The following SUCLA2 variants were observed in gnomAD, a reference collection of about 807,000 sequenced individuals.
SUCLA2 encodes succinate--CoA ligase [ADP-forming] subunit beta, mitochondrial.
In SUCLA2, 30 loss-of-function variants were observed where a neutral mutation model predicts 54.8. The observed-to-expected ratio is 0.55, with a 90% CI of 0.41 to 0.74. The LOEUF (loss-of-function observed/expected upper bound fraction) is 0.74. SUCLA2 is among the 30% of genes least tolerant of loss of function. The pLI is 0.00. For synonymous variants in SUCLA2, 172 were observed against 188.9 expected (o/e 0.91, Z 0.74); for missense variants, 476 against 562.9 (o/e 0.85, Z 1.56).
chr13:47,981,059 A>G (rs1426662024), intron 4 of SUCLA2, among the ~76,000 whole-genome samples: 2 of 152,230 alleles, frequency 1.3e-5, no homozygotes, highest in Non-Finnish European at 2.9e-5. Flanking sequence ...TAAACATGAT[A>G]CCAAAGGCAC....
chr13:47,990,249 G>A (rs145682578), intron 2 of SUCLA2, among the ~76,000 whole-genome samples: 300 of 152,294 alleles, frequency 2.0e-3, no homozygotes, highest in Middle Eastern at 6.8e-3. Flanking sequence ...TTGGGAGGTT[G>A]AGGCACAAGA....
intron 4 of SUCLA2, among the ~76,000 whole-genome samples, chr13:47,987,445 T>C (rs1379689276): frequency 1.3e-5 from 2 of 152,108 alleles, no homozygotes; most frequent in African/African-American, 4.8e-5. Flanking sequence ...TATGTAAATT[T>C]TGGGTAATAT....
intron 2 of SUCLA2, among the ~76,000 whole-genome samples, chr13:47,992,726 T>C (rs1392828812): frequency 6.6e-6 from 1 of 152,196 alleles, no homozygotes; most frequent in African/African-American, 2.4e-5. Flanking sequence ...ATTTTAAGCA[T>C]TCCTTGTATA....
intron 4 of SUCLA2, among the ~76,000 whole-genome samples, chr13:47,985,015 T>C (rs1444975123): frequency 6.6e-6 from 1 of 152,136 alleles, no homozygotes; most frequent in Non-Finnish European, 1.5e-5. Flanking sequence ...ACTAGGCAAA[T>C]GTTAAGAAAT....
intron 4 of SUCLA2, among the ~76,000 whole-genome samples, chr13:47,975,801 C>G (rs1950007479): frequency 6.6e-6 from 1 of 152,188 alleles, no homozygotes; most frequent in African/African-American, 2.4e-5. Flanking sequence ...GGCCCCTAGA[C>G]AGTTTACACT....
chr13:47,965,804 T>G (rs1949913521), intron 6 of SUCLA2, among the ~76,000 whole-genome samples: 1 of 152,228 alleles, frequency 6.6e-6, no homozygotes, highest in Non-Finnish European at 1.5e-5. Flanking sequence ...ATCCCAGGAC[T>G]TTCGGAGGCC....
At chr13:47,944,771 A>C (rs1949715834) in intron 10 of SUCLA2, among the ~76,000 whole-genome samples, 1 of 152,198 alleles carries the variant, frequency 6.6e-6, no homozygotes, top group African/African-American at 2.4e-5. Flanking sequence ...GTACTTTCCC[A>C]AAGAAGGACA....
intron 6 of SUCLA2, among the ~76,000 whole-genome samples, chr13:47,960,444 G>A (rs569220314): frequency 2.6e-5 from 4 of 152,020 alleles, no homozygotes; most frequent in Admixed American, 1.3e-4. Context: ...TAAAAGACAA[G>A]TTCTGAACAG....
intron 6 of SUCLA2, among the ~76,000 whole-genome samples, chr13:47,964,874 A>C (rs1243577448): frequency 5.9e-5 from 9 of 151,824 alleles, no homozygotes; most frequent in Non-Finnish European, 1.3e-4. Flanking sequence ...AAATGTCATC[A>C]CTGGGTGAAG....
Position 47,954,054 on chromosome 13 carries a change from A to G in SUCLA2, c.1107+86T>C. On this transcript the variant is annotated intron_variant, in intron 8 of 10. Coordinates refer to ENST00000646932, the MANE Select transcript of SUCLA2 (RefSeq NM_003850.3). ...TAAAAGACATATATATGAATTCTAA[A>G]TTCTAAAACATAAAAATATACATTT... The G allele has an allele frequency of 2.5e-6, 3 of 1,190,396 alleles. No homozygotes were observed. The South Asian group carries it at 8.0e-5, about 32-fold the overall frequency. The allele number at this position is 1,190,396 out of a possible 1,614,324, so 73.7% of individuals were successfully genotyped here. A position where few individuals can be genotyped will look rare whatever the true frequency, so the allele number is the denominator to read the frequency against.
intron 2 of SUCLA2, chr13:47,991,502 C>T (rs957637451): frequency 1.3e-5 from 2 of 152,224 alleles, no homozygotes; most frequent in Non-Finnish European, 2.9e-5. Flanking sequence ...ATCCCCCTTA[C>T]CTACTACACT....
chr13:47,952,960 C>T (rs1403636537), intron 8 of SUCLA2, among the ~76,000 whole-genome samples: 3 of 152,148 alleles, frequency 2.0e-5, no homozygotes, highest in African/African-American at 7.2e-5. Flanking sequence ...ATCATCCATT[C>T]AGTGAAGGCC....
At chr13:47,996,741 T>C (rs914312336) in intron 2 of SUCLA2, 102 bp downstream of exon 2, 224 of 1,071,328 alleles carry the variant, frequency 2.1e-4, no homozygotes, top group Non-Finnish European at 2.9e-4. Context: ...AAATGTATTT[T>C]TTTTAAAAAA....
chr13:47,995,125 T>G (rs1321938883), intron 2 of SUCLA2, among the ~76,000 whole-genome samples: 1 of 152,190 alleles, frequency 6.6e-6, no homozygotes, highest in African/African-American at 2.4e-5. Context: ...GAGGCCTAAG[T>G]AGGAGGATCA....
Position 47,996,992 on chromosome 13 carries a change from T to C in SUCLA2, c.122A>G (p.His41Arg), listed in dbSNP as rs753558884. 71 of 1,613,976 alleles carry C rather than the reference T, an allele frequency of 4.4e-5. No homozygotes were observed. The highest frequency in any genetic ancestry group is 4.5e-5 in the Non-Finnish European group (53 of 1,180,020). The change falls in exon 2 of 11, where the codon CAT (histidine) becomes CGT (arginine). Residue 41 changes from histidine (H) to arginine (R), a missense_variant. Physicochemically the swap from His to Arg is conservative, Grantham distance 29 (BLOSUM62 0). Around this residue, in one of 2 missense-constraint regions of SUCLA2, gnomAD observed 134 missense variants for 118.7 expected, o/e 1.13. Coordinates refer to ENST00000646932, the MANE Select transcript of SUCLA2 (RefSeq NM_003850.3). ...CTGTTGCTGCTGTACTTGGAGTCCA[T>C]GGTTATTAAACAATCCAGAACTTCC... is the stretch of plus-strand genomic sequence containing the variant. ...VLGSSGLFNN[H>R]GLQVQQQQQR...
chr13:47,999,601 G>A (rs1950214298), intron 1 of SUCLA2, among the ~76,000 whole-genome samples: 1 of 152,060 alleles, frequency 6.6e-6, no homozygotes, highest in African/African-American at 2.4e-5. Context: ...CAGCTACTAG[G>A]GAGGCTGAGG....
intron 5 of SUCLA2, chr13:47,971,704 A>C (rs1049121501): frequency 2.6e-6 from 1 of 390,522 alleles, no homozygotes; most frequent in African/African-American, 2.1e-5. Context: ...AATCATTCAT[A>C]AACCACAGCT....
Position 47,965,778 on chromosome 13 carries a change from T to C in SUCLA2, c.802+2817A>G, listed in dbSNP as rs188951209. The stretch of plus-strand genomic sequence containing the variant: ...AGTCAGGTTATATAAGAGAACGTTC[T>C]TGGCTTGCGCCTGTAATCCCAGGAC... On this transcript the variant is annotated intron_variant, in intron 6 of 10. Coordinates refer to ENST00000646932, the MANE Select transcript of SUCLA2 (RefSeq NM_003850.3). 2.8e-3 allele frequency: 1,086 copies of C among 385,566 alleles called. 12 individuals carry two copies. The highest frequency in any genetic ancestry group is 0.02 in the African/African-American group (951 of 48,432). The allele number at this position is 385,566 out of a possible 1,614,324, so 23.9% of individuals were successfully genotyped here. A position where few individuals can be genotyped will look rare whatever the true frequency, so the allele number is the denominator to read the frequency against.
chr13:47,957,148 C>T (rs937699107), intron 6 of SUCLA2, among the ~76,000 whole-genome samples: 1 of 152,182 alleles, frequency 6.6e-6, no homozygotes, highest in Admixed American at 6.5e-5. Flanking sequence ...GCTTCCTTGA[C>T]CCTCCCTAGT....
Sources: gnomAD v4.1 joint callset for allele counts (sites outside exome capture counted in the v4.1 genomes callset) on GRCh38, gnomAD v4.1.1 for gene constraint, gnomAD v4.1.1 regional missense constraint, MANE v1.5 for transcripts, NCBI Gene and HGNC (gene_info 2026-07-23, HGNC 2026-07-21) for gene names.